MCC: variants seen among roughly 807,000 people sequenced by gnomAD.
MCC encodes colorectal mutant cancer protein.
MCC carries 90 observed loss-of-function variants against 116.2 expected under a neutral mutation model. The observed-to-expected ratio is 0.77, with a 90% confidence interval of 0.65 to 0.92. The LOEUF (loss-of-function observed/expected upper bound fraction) is 0.92. Among genes scored for constraint, MCC ranks in the 40% least tolerant of loss-of-function variants. The probability of loss-of-function intolerance (pLI) is 0.00; values close to 1 mark genes in which losing one functional copy is unlikely to be tolerated. For synonymous variants in MCC, 578 were observed against 510.5 expected, an observed-to-expected ratio of 1.13 and a Z score of -1.78; for missense variants, 1,516 against 1,312.2, an observed-to-expected ratio of 1.16 and a Z score of -2.40.
chr5:113,331,171 G>A (rs1581404359), intron 3 of MCC, among the ~76,000 whole-genome samples: 1 of 148,116 alleles, frequency 6.8e-6, no homozygotes, highest in East Asian at 1.9e-4. Flanking sequence ...GGACTAGGTA[G>A]CCAAGAGAGT....
intron 3 of MCC, among the ~76,000 whole-genome samples, chr5:113,278,267 A>G (rs1327902387): frequency 6.6e-6 from 1 of 152,178 alleles, no homozygotes; most frequent in Admixed American, 6.5e-5. Context: ...AAATGCCCCT[A>G]AAGACAGGAT....
chr5:113,102,651 G>A (rs1157405456), intron 7 of MCC, among the ~76,000 whole-genome samples: 2 of 152,206 alleles, frequency 1.3e-5, no homozygotes, highest in Admixed American at 1.3e-4. Context: ...AACATTTAAT[G>A]AAGAAGAAAC....
At chr5:113,323,617 C>T (rs376827262) in intron 3 of MCC, among the ~76,000 whole-genome samples, 4 of 152,224 alleles carry the variant, frequency 2.6e-5, no homozygotes, top group African/African-American at 9.6e-5. Flanking sequence ...CAGAGGCGGT[C>T]TTAGCCATAT....
intron 3 of MCC, among the ~76,000 whole-genome samples, chr5:113,160,404 C>T (rs1347396432): frequency 1.3e-5 from 2 of 152,186 alleles, no homozygotes; most frequent in Non-Finnish European, 1.5e-5. Context: ...TGCTAGATTG[C>T]TATACTCAGC....
intron 1 of MCC, among the ~76,000 whole-genome samples, chr5:113,414,893 A>G (rs10060179): frequency 0.12 from 17,774 of 152,136 alleles, 1,834 homozygotes; most frequent in African/African-American, 0.28. Context: ...ATGTTTTTGC[A>G]GTGGCTGGTA....
chr5:113,291,153 C>A (rs569045960), intron 3 of MCC, among the ~76,000 whole-genome samples: 1 of 152,338 alleles, frequency 6.6e-6, no homozygotes, highest in African/African-American at 2.4e-5. Context: ...GGAACACACT[C>A]ATGAATTTCC....
rs529054574 is a variant in MCC at position 113,121,956 on chromosome 5, T to C, written c.1027+728A>G. Among the ~76,000 whole-genome samples, 3 of 152,334 alleles carry C rather than the reference T, an allele frequency of 2.0e-5. No individual in the cohort carries two copies. The East Asian group carries it at 5.8e-4, about 29-fold the overall frequency. On this transcript the variant is annotated intron_variant, in intron 6 of 18. Transcript: ENST00000408903. ...CAGGTAGGCAAGACCAGTAGTTTTG[T>C]AACATTTTGACTGCAACCCAGTTAG... is the stretch of plus-strand genomic sequence containing the variant.
chr5:113,052,146 GTC>G (rs1561756476), intron 15 of MCC, among the ~76,000 whole-genome samples: 4 of 152,108 alleles, frequency 2.6e-5, no homozygotes, highest in African/African-American at 9.7e-5. Context: ...CAACAAAAAT[GTC>G]TTTCTTAGGT....
intron 3 of MCC, among the ~76,000 whole-genome samples, chr5:113,220,310 C>T (rs1023084249): frequency 9.9e-5 from 15 of 151,832 alleles, no homozygotes; most frequent in Non-Finnish European, 1.9e-4. Flanking sequence ...CCACCCACCT[C>T]GGCCTCCTAA....
chr5:113,032,546 T>C (rs774538318), intron 17 of MCC, among the ~76,000 whole-genome samples: 2 of 152,138 alleles, frequency 1.3e-5, no homozygotes, highest in Non-Finnish European at 2.9e-5. Flanking sequence ...TAAAATTACA[T>C]ACATGCCTTG....
At chr5:113,283,612 T>A (rs1179996983) in intron 3 of MCC, among the ~76,000 whole-genome samples, 3 of 152,192 alleles carry the variant, frequency 2.0e-5, no homozygotes, top group African/African-American at 7.2e-5. Context: ...CCTGTCAACA[T>A]ACAGCAGCTA....
At chr5:113,075,007 G>A (rs79568072) in intron 11 of MCC, among the ~76,000 whole-genome samples, 2 of 152,212 alleles carry the variant, frequency 1.3e-5, no homozygotes, top group African/African-American at 4.8e-5. Context: ...CCCCTCTCTG[G>A]GGTGGCTGAG....
In MCC at chr5:113,027,493, A is replaced by T. The variant is rs755426807; in HGVS notation, c.2880-11T>A. The T allele has an allele frequency of 1.9e-6, 3 of 1,613,732 alleles. No individual in the cohort carries two copies. Among genetic ancestry groups the T allele is most frequent in the Non-Finnish European group, 1.7e-6 (2 of 1,179,774 alleles). ...GCAGCCACCAGGTTGCTAGGTGGGAATGAAGGGAAATTGGTATTAAGATTC... is the reference window on the plus strand; with the variant it reads ...GCAGCCACCAGGTTGCTAGGTGGGATTGAAGGGAAATTGGTATTAAGATTC... On this transcript the variant is annotated splice_polypyrimidine_tract_variant and intron_variant, in intron 18 of 18. Coordinates refer to ENST00000408903, the MANE Select transcript of MCC (RefSeq NM_001085377.2).
At chr5:113,173,511 C>T (rs1228423037) in intron 3 of MCC, among the ~76,000 whole-genome samples, 1 of 152,030 alleles carries the variant, frequency 6.6e-6, no homozygotes, top group African/African-American at 2.4e-5. Flanking sequence ...AATATAAGGT[C>T]ACTGTAAAGA....
intron 1 of MCC, among the ~76,000 whole-genome samples, chr5:113,386,015 T>G (rs1406906617): frequency 6.6e-6 from 1 of 152,214 alleles, no homozygotes; most frequent in Non-Finnish European, 1.5e-5. Context: ...AACCCTATGC[T>G]GACCAAGAAC....
intron 6 of MCC, among the ~76,000 whole-genome samples, chr5:113,110,109 T>C (rs995758645): frequency 3.9e-5 from 6 of 152,172 alleles, no homozygotes; most frequent in Non-Finnish European, 8.8e-5. Context: ...GTGAGCTACC[T>C]GTGCTGTGCT....
At chr5:113,068,634 C>T (rs940847572) in intron 12 of MCC, among the ~76,000 whole-genome samples, 11 of 152,344 alleles carry the variant, frequency 7.2e-5, no homozygotes, top group African/African-American at 2.6e-4. Context: ...CCCTGACTTC[C>T]ATCTTGGTCA....
chr5:113,234,010 G>C (rs1413818884), intron 3 of MCC, among the ~76,000 whole-genome samples: 1 of 152,164 alleles, frequency 6.6e-6, no homozygotes, highest in Non-Finnish European at 1.5e-5. Flanking sequence ...CAGTGGAAGG[G>C]AATGTTCTGA....
intron 1 of MCC, among the ~76,000 whole-genome samples, chr5:113,414,768 T>C (rs958807938): frequency 6.6e-6 from 1 of 152,168 alleles, no homozygotes; most frequent in Admixed American, 6.5e-5. Context: ...CCACTTACAT[T>C]TAAGGTTAAT....
Sources: allele counts gnomAD v4.1 joint callset (sites outside exome capture counted in the v4.1 genomes callset), GRCh38; gene constraint gnomAD v4.1.1; transcripts MANE v1.5; gene names NCBI Gene and HGNC (gene_info 2026-07-23, HGNC 2026-07-21).